DAB1: variants seen among roughly 807,000 people sequenced by gnomAD.
The protein encoded by DAB1 is DAB adaptor protein 1.
Under a neutral mutation model 64.6 loss-of-function variants are expected in DAB1, and 15 were observed. The observed-to-expected ratio is 0.23, with a 90% CI of 0.16 to 0.36. The LOEUF is 0.36. Among genes scored for constraint, DAB1 ranks in the 10% least tolerant of loss-of-function variants. The pLI is 1.00. For missense variants in DAB1, 596 were observed against 706.7 expected (o/e 0.84, Z 1.78); for synonymous variants, 235 against 251.9 (o/e 0.93, Z 0.64).
At chr1:58,296,062 C>G (rs1216756999) in intron 4 of DAB1, among the ~76,000 whole-genome samples, 16 of 141,940 alleles carry the variant, frequency 1.1e-4, no homozygotes, top group African/African-American at 4.2e-4. Flanking sequence ...CACTGCAACT[C>G]CAGCCTGGGC....
intron 4 of DAB1, among the ~76,000 whole-genome samples, chr1:57,126,324 G>GT (rs1285429272): frequency 2.0e-5 from 3 of 152,108 alleles, no homozygotes; most frequent in Non-Finnish European, 4.4e-5. Context: ...TCTGTTGTAG[G>GT]TAACATCTGG....
chr1:58,539,495 C>T (rs1469749119), intron 1 of DAB1, among the ~76,000 whole-genome samples: 1 of 152,078 alleles, frequency 6.6e-6, no homozygotes, highest in African/African-American at 2.4e-5. Flanking sequence ...GTATATATAC[C>T]ACGATATTTA....
At chr1:58,300,552 GAAAGA>G (rs1557725898) in intron 4 of DAB1, among the ~76,000 whole-genome samples, 3 of 18,616 alleles carry the variant, frequency 1.6e-4, no homozygotes, top group Non-Finnish European at 3.2e-4. Context: ...TGAAAAGAAA[GAAAGA>G]AAGAAAGAAA....
intron 3 of DAB1, chr1:58,474,075 T>A (rs1645394480): frequency 2.0e-6 from 1 of 490,392 alleles, no homozygotes; most frequent in Admixed American, 2.5e-5. Context: ...AGCCTAGGAA[T>A]CACCAATAAA....
At chr1:57,368,169 G>A (rs1019749236) in intron 1 of DAB1, among the ~76,000 whole-genome samples, 4 of 152,210 alleles carry the variant, frequency 2.6e-5, no homozygotes, top group African/African-American at 9.6e-5. Flanking sequence ...TCTGGACTTT[G>A]AGCACTGATG....
intron 7 of DAB1, among the ~76,000 whole-genome samples, chr1:57,631,790 T>C (rs1019914452): frequency 7.9e-5 from 12 of 152,184 alleles, no homozygotes; most frequent in Admixed American, 7.2e-4. Context: ...TAACCTGACA[T>C]TCAGCAGGGA....
At chr1:57,098,607 G>T (rs949142098) in intron 4 of DAB1, among the ~76,000 whole-genome samples, 1 of 152,170 alleles carries the variant, frequency 6.6e-6, no homozygotes, top group Non-Finnish European at 1.5e-5. Flanking sequence ...TCATATAAAA[G>T]TCTCTGATTT....
chr1:58,222,692 C>A (rs920670585), intron 4 of DAB1, among the ~76,000 whole-genome samples: 24 of 152,332 alleles, frequency 1.6e-4, no homozygotes, highest in Non-Finnish European at 3.2e-4. Context: ...GAGTCTAATG[C>A]ATGCCACCCA....
intron 4 of DAB1, among the ~76,000 whole-genome samples, chr1:57,087,015 A>G (rs1653156503): frequency 6.6e-6 from 1 of 152,146 alleles, no homozygotes; most frequent in Non-Finnish European, 1.5e-5. Context: ...TGAAGGCTGC[A>G]AGGTAAGCTT....
chr1:58,441,514 G>A (rs1427833740), intron 3 of DAB1, among the ~76,000 whole-genome samples: 1 of 152,190 alleles, frequency 6.6e-6, no homozygotes, highest in African/African-American at 2.4e-5. Flanking sequence ...TGGGAAGAGT[G>A]ATTTTGGGAA....
chr1:57,632,201 A>C (rs1645998353), intron 7 of DAB1, among the ~76,000 whole-genome samples: 1 of 152,260 alleles, frequency 6.6e-6, no homozygotes, highest in African/African-American at 2.4e-5. Flanking sequence ...ACTACAACGT[A>C]GTGCTGCATA....
intron 6 of DAB1, among the ~76,000 whole-genome samples, chr1:57,740,561 C>T (rs1358889027): frequency 6.6e-6 from 1 of 152,210 alleles, no homozygotes; most frequent in Non-Finnish European, 1.5e-5. Flanking sequence ...TGGTTAGGAG[C>T]AAGGGTTTCC....
At chr1:57,031,889 T>G (rs1190332206) in intron 9 of DAB1, among the ~76,000 whole-genome samples, 3 of 152,160 alleles carry the variant, frequency 2.0e-5, no homozygotes, top group Non-Finnish European at 4.4e-5. Flanking sequence ...GTTTTGCCCC[T>G]TTTTTAGCCC....
intron 4 of DAB1, among the ~76,000 whole-genome samples, chr1:58,316,772 G>T (rs1662567051): frequency 6.6e-6 from 1 of 152,144 alleles, no homozygotes; most frequent in African/African-American, 2.4e-5. Context: ...ATTCCATGAG[G>T]TCAGGGGTGT....
intron 2 of DAB1, among the ~76,000 whole-genome samples, chr1:57,264,967 C>A (rs953531305): frequency 3.3e-5 from 5 of 152,214 alleles, no homozygotes; most frequent in African/African-American, 1.2e-4. Context: ...TAATCCTCCC[C>A]TTAAATAACC....
intron 5 of DAB1, among the ~76,000 whole-genome samples, chr1:58,149,397 G>A (rs1193924123): frequency 6.6e-6 from 1 of 152,198 alleles, no homozygotes; most frequent in Non-Finnish European, 1.5e-5. Context: ...CAAGTGGGTG[G>A]TGATGGAGGG....
At chr1:57,392,914 A>C (rs1288175388) in intron 1 of DAB1, among the ~76,000 whole-genome samples, 3 of 152,160 alleles carry the variant, frequency 2.0e-5, no homozygotes, top group African/African-American at 7.2e-5. Flanking sequence ...ATTTTCCCAA[A>C]ATTCCCTTAA....
intron 2 of DAB1, among the ~76,000 whole-genome samples, chr1:57,188,474 A>G (rs1411747331): frequency 1.3e-5 from 2 of 152,200 alleles, no homozygotes; most frequent in African/African-American, 2.4e-5. Flanking sequence ...GCAAGACCAG[A>G]ATTTGGCTCT....
At chr1:57,461,471 T>A (rs543172651) in intron 7 of DAB1, among the ~76,000 whole-genome samples, 1 of 152,296 alleles carries the variant, frequency 6.6e-6, no homozygotes, top group Non-Finnish European at 1.5e-5. Flanking sequence ...CCTCCCTCCA[T>A]CTGACCCCTA....
Sources: allele counts gnomAD v4.1 joint callset (sites outside exome capture counted in the v4.1 genomes callset), GRCh38; gene constraint gnomAD v4.1.1; transcripts MANE v1.5; gene names NCBI Gene and HGNC (gene_info 2026-07-23, HGNC 2026-07-21).